The following DOP1B variants were observed in gnomAD, a reference collection of about 807,000 sequenced individuals.
The protein encoded by DOP1B is DOP1 leucine zipper like protein B, also known as protein DOP1B.
A neutral mutation model predicts 233.5 loss-of-function variants in DOP1B; 174 were observed. That is an observed-to-expected ratio of 0.75 (90% CI 0.66 to 0.85). The LOEUF (loss-of-function observed/expected upper bound fraction) is 0.85. Among genes scored for constraint, DOP1B ranks in the 40% least tolerant of loss-of-function variants. DOP1B has a pLI of 0.00. For missense variants in DOP1B, 2,652 were observed against 2,846.6 expected, an observed-to-expected ratio of 0.93 and a Z score of 1.56; for synonymous variants, 1,190 against 1,185.6, an observed-to-expected ratio of 1.00 and a Z score of -0.08.
chr21:36,281,001 C>G (rs564449793), intron 31 of DOP1B, among the ~76,000 whole-genome samples: 25 of 150,888 alleles, frequency 1.7e-4, no homozygotes, highest in African/African-American at 5.8e-4. Context: ...AAATCCTTCT[C>G]AAAAAAATAA....
At chr21:36,231,886 G>A (rs1199339673) in intron 14 of DOP1B, among the ~76,000 whole-genome samples, 2 of 136,680 alleles carry the variant, frequency 1.5e-5, no homozygotes, top group African/African-American at 2.8e-5. Flanking sequence ...TTGCTCTGTC[G>A]CCAGGCTGGA....
chr21:36,281,016 A>T (rs531934452), intron 31 of DOP1B, among the ~76,000 whole-genome samples: 1 of 151,778 alleles, frequency 6.6e-6, no homozygotes. Flanking sequence ...AAATAAAAAA[A>T]TAAGTATTGG....
At chr21:36,267,761 G>A (rs1276709253) in intron 26 of DOP1B, among the ~76,000 whole-genome samples, 1 of 151,140 alleles carries the variant, frequency 6.6e-6, no homozygotes, top group Admixed American at 6.7e-5. Context: ...TATAAAGAGA[G>A]GAATGTTACA....
At chr21:36,157,586 G>A (rs968710665) in intron 1 of DOP1B, among the ~76,000 whole-genome samples, 5 of 151,562 alleles carry the variant, frequency 3.3e-5, no homozygotes, top group Admixed American at 6.6e-5. Context: ...ACTTTGCTAG[G>A]ATTTTTTTGG....
chr21:36,207,705 C>T (rs1258546889), intron 4 of DOP1B, among the ~76,000 whole-genome samples: 2 of 152,100 alleles, frequency 1.3e-5, no homozygotes, highest in Admixed American at 1.3e-4. Context: ...CAACACATTC[C>T]ACCGGGTTGG....
intron 11 of DOP1B, 116 bp downstream of exon 11, chr21:36,223,466 C>T (rs1166804229): frequency 1.0e-5 from 14 of 1,358,448 alleles, no homozygotes; most frequent in Non-Finnish European, 1.4e-5. Flanking sequence ...GTAGTCTTTC[C>T]TGAGTTTTAA....
At position 36,278,191 on chromosome 21, in the gene DOP1B, C is replaced by G; in HGVS notation, c.5823-18C>G. ...CAGTCCTTGACCTTGACCCTTCTCT[C>G]TTCCCACTCCCACTCAGTGCCTACA... On this transcript the variant is annotated intron_variant, in intron 29 of 36. Transcript: ENST00000691173. 1 of 1,613,606 alleles carries G rather than the reference C, an allele frequency of 6.2e-7. No homozygotes were observed. Among genetic ancestry groups the G allele is most frequent in the Non-Finnish European group, 8.5e-7 (1 of 1,179,704 alleles).
intron 27 of DOP1B, among the ~76,000 whole-genome samples, 181 bp from the exon 28 acceptor site, chr21:36,276,840 C>CA (rs57389991): frequency 0.13 from 13,233 of 105,750 alleles, 778 homozygotes; most frequent in South Asian, 0.23. Context: ...GACTCCATCT[C>CA]AAAAAAAAAA....
At chr21:36,171,902 C>T (rs946475990) in intron 2 of DOP1B, among the ~76,000 whole-genome samples, 13 of 152,050 alleles carry the variant, frequency 8.5e-5, no homozygotes, top group Admixed American at 5.2e-4. Context: ...GCTTTCTTGG[C>T]GAGAGACAGA....
At chr21:36,265,781 C>G (rs1431979793) in intron 26 of DOP1B, among the ~76,000 whole-genome samples, 1 of 152,192 alleles carries the variant, frequency 6.6e-6, no homozygotes, top group Non-Finnish European at 1.5e-5. Context: ...GCTTCTTCCC[C>G]ACTGAGGATA....
chr21:36,243,054 A>C (rs924399822), intron 18 of DOP1B, among the ~76,000 whole-genome samples: 12 of 146,766 alleles, frequency 8.2e-5, no homozygotes, highest in African/African-American at 3.0e-4. Context: ...ATCTTGGTTC[A>C]TTGCAACCTC....
chr21:36,214,182 T>C lies in DOP1B; in HGVS notation c.1006T>C (p.Leu336=), dbSNP rs2066534131. 4 of 1,610,364 alleles carry C rather than the reference T, an allele frequency of 2.5e-6. No individual in the cohort carries two copies. The African/African-American group carries it at 4.0e-5, about 16-fold the overall frequency. ...TTTTGAAAAATACTCCAAGGATCTTTTAGTTGAGGTAAAGGAGCATTTCCG... is the reference window on the plus strand; with the variant it reads ...TTTTGAAAAATACTCCAAGGATCTTCTAGTTGAGGTAAAGGAGCATTTCCG... ...YFFEKYSKDL[L]VEGLAEILHQ... The change falls in exon 8 of 37, where the codon TTA becomes CTA. Residue 336 remains leucine (L), a synonymous_variant. Coordinates refer to ENST00000691173, the MANE Select transcript of DOP1B (RefSeq NM_001320714.2).
intron 30 of DOP1B, among the ~76,000 whole-genome samples, chr21:36,278,834 ACTC>A (rs1307980811): frequency 6.6e-6 from 1 of 152,190 alleles, no homozygotes; most frequent in African/African-American, 2.4e-5. Flanking sequence ...CCACCACTGC[ACTC>A]CAGCCTGGGC....
intron 21 of DOP1B, among the ~76,000 whole-genome samples, chr21:36,249,856 A>G (rs930852615): frequency 6.6e-6 from 1 of 152,214 alleles, no homozygotes; most frequent in Admixed American, 6.6e-5. Flanking sequence ...GCCTCCAGAC[A>G]TTCTGTCGGT....
intron 5 of DOP1B, among the ~76,000 whole-genome samples, chr21:36,209,824 G>T (rs1005768886): frequency 1.3e-5 from 2 of 152,168 alleles, no homozygotes; most frequent in African/African-American, 4.8e-5. Context: ...CCACCTGGTG[G>T]TGTTCCCACA....
At position 36,218,102 on chromosome 21, in the gene DOP1B, G is replaced by A. The variant is rs941730985; in HGVS notation, c.1130-1270G>A. 3.9e-5 allele frequency among the ~76,000 whole-genome samples: 6 copies of A among 152,282 alleles called. No homozygotes were observed. The South Asian group carries it at 1.2e-3, about 32-fold the overall frequency. On this transcript the variant is annotated intron_variant, in intron 9 of 36. Transcript: ENST00000691173. ...TATACAGAACTAGAAGGCACAGGAC[G>A]GCCATTCAGTCCAGTCCATACTTTT... is the stretch of plus-strand genomic sequence containing the variant.
rs762268963 is a variant in DOP1B at position 36,199,196 on chromosome 21, A to G, written c.265A>G (p.Ile89Val). 1 of 1,614,080 alleles carries G rather than the reference A, an allele frequency of 6.2e-7. No homozygotes were observed. The highest frequency in any genetic ancestry group is 8.5e-7 in the Non-Finnish European group (1 of 1,180,016). The change falls in exon 3 of 37, where the codon ATT (isoleucine) becomes GTT (valine). Residue 89 changes from isoleucine (I) to valine (V), a missense_variant. Ile to Val is a conservative substitution (Grantham distance 29). Transcript: ENST00000691173. ...VHLKALETYE[I>V]IFKIVGTKWL... ...CTTAAAAGCTCTGGAAACCTACGAG[A>G]TTATCTTTAAAATCGTGGGGACCAA... is the stretch of plus-strand genomic sequence containing the variant.
intron 10 of DOP1B, 43 bp downstream of exon 10, chr21:36,219,535 C>G: frequency 6.3e-7 from 1 of 1,591,876 alleles, no homozygotes; most frequent in Non-Finnish European, 8.5e-7. Flanking sequence ...TCTCCCTCCC[C>G]GGTACTGTGA....
chr21:36,211,846 G>A lies in DOP1B; in HGVS notation c.781-128G>A, dbSNP rs1601415442. 4.9e-6 allele frequency: 7 copies of A among 1,417,568 alleles called. 1 individual carries two copies. Among genetic ancestry groups the A allele is most frequent in the Middle Eastern group, 1.8e-4 (1 of 5,504 alleles). The allele number at this position is 1,417,568 out of a possible 1,614,324, so 87.8% of individuals were successfully genotyped here. A position where few individuals can be genotyped will look rare whatever the true frequency, so the allele number is the denominator to read the frequency against. On this transcript the variant is annotated intron_variant, in intron 6 of 36. Transcript: ENST00000691173. The stretch of plus-strand genomic sequence containing the variant: ...CGTATTGAATAGCTTCTTTCCATGG[G>A]TAATGTGTAAGGAACCAGCCCATTT...
Sources: gnomAD v4.1 joint callset for allele counts (sites outside exome capture counted in the v4.1 genomes callset) on GRCh38, gnomAD v4.1.1 for gene constraint, MANE v1.5 for transcripts, NCBI Gene and HGNC (gene_info 2026-07-23, HGNC 2026-07-21) for gene names.